The following EPHA6 variants were observed in gnomAD, a reference collection of about 807,000 sequenced individuals.
EPHA6 encodes ephrin type-A receptor 6.
Under a neutral mutation model 112.0 loss-of-function variants are expected in EPHA6, and 50 were observed. The observed-to-expected ratio is 0.45, with a 90% CI of 0.36 to 0.56. The LOEUF (loss-of-function observed/expected upper bound fraction) is 0.56, where lower values mean the gene tolerates loss of function less well. Among genes scored for constraint, EPHA6 ranks in the 20% least tolerant of loss-of-function variants. The pLI is 0.00. For missense variants in EPHA6, 1,280 were observed against 1,417.4 expected (o/e 0.90, Z 1.56); for synonymous variants, 529 against 490.7 (o/e 1.08, Z -1.03).
At chr3:97,171,032 G>A (rs1360842620) in intron 3 of EPHA6, among the ~76,000 whole-genome samples, 1 of 152,024 alleles carries the variant, frequency 6.6e-6, no homozygotes, top group Non-Finnish European at 1.5e-5. Flanking sequence ...ATAAATAATG[G>A]ACTGAAAAGG....
chr3:97,637,171 C>T (rs909816419), intron 13 of EPHA6, among the ~76,000 whole-genome samples: 1 of 152,084 alleles, frequency 6.6e-6, no homozygotes, highest in Admixed American at 6.6e-5. Context: ...GGGATTGATA[C>T]TGATACCATG....
At chr3:97,276,068 C>G (rs769497109) in intron 5 of EPHA6, among the ~76,000 whole-genome samples, 1 of 151,972 alleles carries the variant, frequency 6.6e-6, no homozygotes, top group Non-Finnish European at 1.5e-5. Flanking sequence ...CCGTCAATAC[C>G]CACAACAGTT....
chr3:97,228,640 G>T (rs557721081), intron 4 of EPHA6, among the ~76,000 whole-genome samples: 1 of 151,514 alleles, frequency 6.6e-6, no homozygotes, highest in South Asian at 2.1e-4. Context: ...ATTTGGACTG[G>T]TTCAACATTT....
intron 5 of EPHA6, among the ~76,000 whole-genome samples, chr3:97,299,114 T>A (rs2080989774): frequency 6.6e-6 from 1 of 152,020 alleles, no homozygotes; most frequent in African/African-American, 2.4e-5. Flanking sequence ...AATGATATAG[T>A]CTACCAAACT....
chr3:97,019,521 G>T (rs1313598615), intron 3 of EPHA6, among the ~76,000 whole-genome samples: 1 of 152,050 alleles, frequency 6.6e-6, no homozygotes, highest in African/African-American at 2.4e-5. Context: ...CAAAAAGACT[G>T]CCTGTCTCTA....
intron 16 of EPHA6, among the ~76,000 whole-genome samples, chr3:97,742,538 A>G (rs1224964877): frequency 1.3e-5 from 2 of 152,166 alleles, no homozygotes; most frequent in Non-Finnish European, 2.9e-5. Flanking sequence ...ATGTTTAAAT[A>G]ATCATATCAA....
At chr3:97,180,670 G>A (rs1177362953) in intron 3 of EPHA6, among the ~76,000 whole-genome samples, 1 of 152,004 alleles carries the variant, frequency 6.6e-6, no homozygotes, top group Non-Finnish European at 1.5e-5. Flanking sequence ...GCCTGGAATG[G>A]GAGACTCACA....
At chr3:97,576,245 G>GGCATC (rs1409587843) in intron 11 of EPHA6, among the ~76,000 whole-genome samples, 8 of 151,792 alleles carry the variant, frequency 5.3e-5, no homozygotes, top group Non-Finnish European at 1.2e-4. Flanking sequence ...ATCCTATAAA[G>GGCATC]CTTCAAGAAA....
rs1181050550 is a variant in EPHA6, at chr3:96,974,303, A to G, written c.451-13027A>G. ...TTTATTTAGCTTGCTATGGAAATGAAAATTTATATGTTGATGGGGAAGGGT... is the reference window on the plus strand; with the variant it reads ...TTTATTTAGCTTGCTATGGAAATGAGAATTTATATGTTGATGGGGAAGGGT... On this transcript the variant is annotated intron_variant, in intron 2 of 17. Transcript: ENST00000389672. 8.0e-5 allele frequency among the ~76,000 whole-genome samples: 12 copies of G among 149,416 alleles called. 1 individual carries two copies. In the Admixed American group the frequency reaches 8.0e-4, roughly 10 times the overall value.
chr3:97,613,659 CAT>C (rs1576075597), intron 13 of EPHA6, among the ~76,000 whole-genome samples: 2 of 151,988 alleles, frequency 1.3e-5, no homozygotes, highest in African/African-American at 2.4e-5. Flanking sequence ...TGAAAATATA[CAT>C]GTGTGTAGAG....
At chr3:97,538,984 TTTCTTTC>T (rs1451292835) in intron 11 of EPHA6, among the ~76,000 whole-genome samples, 1 of 83,166 alleles carries the variant, frequency 1.2e-5, no homozygotes, top group African/African-American at 4.7e-5. Flanking sequence ...TTTCTCTCTC[TTTCTTTC>T]TTTCTTTCTT....
intron 10 of EPHA6, among the ~76,000 whole-genome samples, chr3:97,504,635 C>A (rs1412231875): frequency 6.6e-6 from 1 of 152,110 alleles, no homozygotes; most frequent in African/African-American, 2.4e-5. Context: ...TGCTTTCAGG[C>A]TGTTCTTTTG....
At chr3:97,629,630 G>A (rs2093886983) in intron 13 of EPHA6, among the ~76,000 whole-genome samples, 1 of 151,850 alleles carries the variant, frequency 6.6e-6, no homozygotes, top group African/African-American at 2.4e-5. Flanking sequence ...GAAATTCTAT[G>A]TATTTTTCCT....
At chr3:97,247,005 C>T (rs72924446) in intron 5 of EPHA6, among the ~76,000 whole-genome samples, 3,293 of 152,026 alleles carry the variant, frequency 0.022, 125 homozygotes, top group African/African-American at 0.069. Context: ...TCAACTGATG[C>T]CATTTTGTTC....
intron 3 of EPHA6, among the ~76,000 whole-genome samples, chr3:97,139,124 C>T (rs2075833573): frequency 6.6e-6 from 1 of 152,164 alleles, no homozygotes; most frequent in Admixed American, 6.5e-5. Flanking sequence ...ACCCAGCCCA[C>T]TCAGCTTTGT....
chr3:97,032,535 G>C (rs753864065), intron 3 of EPHA6, among the ~76,000 whole-genome samples: 108 of 150,636 alleles, frequency 7.2e-4, no homozygotes, highest in Non-Finnish European at 1.5e-3. Context: ...TCTTAACTGT[G>C]GCCAGATCCA....
At position 97,636,474 on chromosome 3, in the gene EPHA6, G is replaced by A. The variant is rs769506411; in HGVS notation, c.2575-1399G>A. 5.9e-5 allele frequency among the ~76,000 whole-genome samples: 9 copies of A among 151,924 alleles called. No homozygotes were observed. The South Asian group carries it at 8.3e-4, about 14-fold the overall frequency. ...TATACATTAATTATACAGAAGTGCC[G>A]GCTTAAATGGATATTCTTGCTCTAA... On this transcript the variant is annotated intron_variant, in intron 13 of 17. Transcript: ENST00000389672.
intron 2 of EPHA6, among the ~76,000 whole-genome samples, chr3:96,950,884 G>C (rs1409026560): frequency 6.6e-6 from 1 of 151,816 alleles, no homozygotes; most frequent in African/African-American, 2.4e-5. Flanking sequence ...ATTGGAATTT[G>C]TTATCTAAGA....
At chr3:97,302,246 A>C (rs926196191) in intron 5 of EPHA6, among the ~76,000 whole-genome samples, 7 of 152,056 alleles carry the variant, frequency 4.6e-5, no homozygotes, top group Non-Finnish European at 7.4e-5. Context: ...TCTTTAGGCA[A>C]AAAGAGAATT....
Sources: allele counts gnomAD v4.1 joint callset (sites outside exome capture counted in the v4.1 genomes callset), GRCh38; gene constraint gnomAD v4.1.1; transcripts MANE v1.5; gene names NCBI Gene and HGNC (gene_info 2026-07-23, HGNC 2026-07-21).